The following UGT2A2 variants were observed in gnomAD, a reference collection of about 807,000 sequenced individuals.
UGT2A2 encodes UDP-glucuronosyltransferase 2A2.
UGT2A2 carries 60 observed loss-of-function variants against 50.7 expected under a neutral mutation model. That is an observed-to-expected ratio of 1.18 (90% CI 0.96 to 1.47). The LOEUF is 1.47. UGT2A2 is among the 40% of genes most tolerant of loss of function. UGT2A2 has a pLI of 0.00. For synonymous variants in UGT2A2, 242 were observed against 214.6 expected (o/e 1.13, Z -1.11); for missense variants, 762 against 634.0 (o/e 1.20, Z -2.17).
In UGT2A2 at chr4:69,594,593, A is replaced by T; in HGVS notation, c.1215T>A (p.Asp405Glu). Reference sequence around the variant, plus strand: ...TCATGTGAGCAATGTTATCAGGCTGATCAGCAAACATGGGAACTCCCACCA... The same window carrying T: ...TCATGTGAGCAATGTTATCAGGCTGTTCAGCAAACATGGGAACTCCCACCA... ...VPMVGVPMFA[D>E]QPDNIAHMKA... Residue 405 changes from aspartate to glutamate, a missense_variant, in exon 5 of 6, where the codon GAT becomes GAA. Coordinates refer to ENST00000604629, the MANE Select transcript of UGT2A2 (RefSeq NM_001105677.2). 6.2e-7 allele frequency: 1 copy of T among 1,614,142 alleles called. No individual in the cohort carries two copies. Among genetic ancestry groups the T allele is most frequent in the Non-Finnish European group, 8.5e-7 (1 of 1,180,032 alleles).
intron 2 of UGT2A2, among the ~76,000 whole-genome samples, chr4:69,598,452 A>G (rs868022655): frequency 6.6e-6 from 1 of 152,112 alleles, no homozygotes; most frequent in African/African-American, 2.4e-5. Context: ...TTTTCTGAAG[A>G]CTTCATATTG....
chr4:69,619,484 C>A (rs1042322373), intron 1 of UGT2A2, among the ~76,000 whole-genome samples: 4 of 151,608 alleles, frequency 2.6e-5, no homozygotes, highest in South Asian at 2.1e-4. Flanking sequence ...GTCTTACATA[C>A]CCCATACAAA....
At chr4:69,601,385 G>A (rs1280466621) in intron 1 of UGT2A2, among the ~76,000 whole-genome samples, 2 of 152,006 alleles carry the variant, frequency 1.3e-5, no homozygotes, top group Non-Finnish European at 2.9e-5. Flanking sequence ...GCCCTTCCCC[G>A]CCCCCCGGAG....
At chr4:69,607,493 C>T (rs1015743774) in intron 1 of UGT2A2, among the ~76,000 whole-genome samples, 1 of 151,898 alleles carries the variant, frequency 6.6e-6, no homozygotes, top group African/African-American at 2.4e-5. Flanking sequence ...CAATACCATT[C>T]AGGACATAGG....
At chr4:69,614,174 T>C (rs1261434925) in intron 1 of UGT2A2, among the ~76,000 whole-genome samples, 1 of 152,008 alleles carries the variant, frequency 6.6e-6, no homozygotes, top group African/African-American at 2.4e-5. Flanking sequence ...CATTTCTATA[T>C]GCCAACAGTG....
At chr4:69,595,689 T>C (rs1718882168) in intron 3 of UGT2A2, among the ~76,000 whole-genome samples, 2 of 152,200 alleles carry the variant, frequency 1.3e-5, no homozygotes, top group Non-Finnish European at 2.9e-5. Flanking sequence ...GTTAATTGAA[T>C]AACATAAGTC....
Position 69,611,209 on chromosome 4 carries a change from C to G in UGT2A2, c.743-11815G>C, listed in dbSNP as rs545871437. Reference sequence around the variant, plus strand: ...CACTCAAGCTGGAGTGCAGTGGCACCAACACAGCTCACTGCAGTCTCGACC... The same window carrying G: ...CACTCAAGCTGGAGTGCAGTGGCACGAACACAGCTCACTGCAGTCTCGACC... On this transcript the variant is annotated intron_variant, in intron 1 of 5. Transcript: ENST00000604629. 2.6e-5 allele frequency among the ~76,000 whole-genome samples: 4 copies of G among 151,294 alleles called. No individual in the cohort carries two copies. The South Asian group carries it at 8.4e-4, about 32-fold the overall frequency.
At chr4:69,609,718 G>A (rs1019105344) in intron 1 of UGT2A2, among the ~76,000 whole-genome samples, 1 of 151,714 alleles carries the variant, frequency 6.6e-6, no homozygotes, top group African/African-American at 2.4e-5. Flanking sequence ...ATACTTATTG[G>A]GTGAAAATAA....
chr4:69,603,587 GAGA>G (rs1305562285), intron 1 of UGT2A2: 1 of 137,094 alleles, frequency 7.3e-6, no homozygotes, highest in African/African-American at 3.0e-5. Context: ...GACGAGCTGA[GAGA>G]AGAAGGCTTC....
chr4:69,621,252 GA>G (rs1289821160), intron 1 of UGT2A2, among the ~76,000 whole-genome samples: 1 of 151,972 alleles, frequency 6.6e-6, no homozygotes, highest in Non-Finnish European at 1.5e-5. Context: ...GTATGCATCT[GA>G]CAAAGATCTA....
intron 1 of UGT2A2, 47 bp downstream of exon 1, chr4:69,638,852 T>A (rs1721874319): frequency 1.4e-6 from 2 of 1,474,464 alleles, no homozygotes; most frequent in South Asian, 1.5e-5. Flanking sequence ...ACAATAAGAA[T>A]AAATAAGGGA....
At chr4:69,589,778 G>C in intron 5 of UGT2A2, 127 bp from the exon 6 acceptor site, 3 of 1,345,088 alleles carry the variant, frequency 2.2e-6, no homozygotes, top group Non-Finnish European at 3.0e-6. Flanking sequence ...TATAATTCTT[G>C]CATGAACTTT....
In UGT2A2 at chr4:69,599,231, CT is replaced by C. The variant is rs778387923; in HGVS notation, c.891+14del. The C allele has an allele frequency of 6.3e-7, 1 of 1,593,956 alleles. No homozygotes were observed. Among genetic ancestry groups the C allele is most frequent in the Non-Finnish European group, 8.5e-7 (1 of 1,174,742 alleles). On this transcript the variant is annotated intron_variant, in intron 2 of 5. Transcript: ENST00000604629. ...ATTATGAAGAGCATAAAATCCTCCA[CT>C]GTTGTAGACCTACCTTAGGTAAAGG...
intron 1 of UGT2A2, among the ~76,000 whole-genome samples, chr4:69,615,544 A>G (rs1464499788): frequency 1.3e-5 from 2 of 152,126 alleles, no homozygotes; most frequent in East Asian, 3.9e-4. Context: ...ATGAGTAATC[A>G]AAAAGAAATG....
Position 69,639,178 on chromosome 4 carries a change from C to T in UGT2A2, c.463G>A (p.Val155Met), listed in dbSNP as rs1721904339. 1.9e-6 allele frequency: 3 copies of T among 1,613,718 alleles called. No homozygotes were observed. Among genetic ancestry groups the T allele is most frequent in the Non-Finnish European group, 2.5e-6 (3 of 1,179,760 alleles). Reference protein sequence around the residue: ...MARLQKGGFDVLVADPVTICG... With the variant: ...MARLQKGGFDMLVADPVTICG... ...ATTGTTACTGGGTCTGCTACCAACACATCAAAACCACCTTTCTGAAGTCTT... is the reference window on the plus strand; with the variant it reads ...ATTGTTACTGGGTCTGCTACCAACATATCAAAACCACCTTTCTGAAGTCTT... Residue 155 changes from valine to methionine, a missense_variant, in exon 1 of 6, where the codon GTG becomes ATG. Physicochemically the swap from Val to Met is conservative, Grantham distance 21. Transcript: ENST00000604629.
chr4:69,637,125 T>C (rs1721755876), intron 1 of UGT2A2, among the ~76,000 whole-genome samples: 1 of 151,956 alleles, frequency 6.6e-6, no homozygotes, highest in African/African-American at 2.4e-5. Flanking sequence ...AAAAGAAAAA[T>C]GTGGTTTGAA....
In UGT2A2 at chr4:69,624,767, C is replaced by T. The variant is rs975571957; in HGVS notation, c.742+14132G>A. 4.0e-5 allele frequency among the ~76,000 whole-genome samples: 6 copies of T among 151,450 alleles called. No individual in the cohort carries two copies. The South Asian group carries it at 1.0e-3, about 26-fold the overall frequency. Reference sequence around the variant, plus strand: ...TACAGTTTACTTCTATGTATTACAACTTCACAATACAATAAATATCTGTAG... The same window carrying T: ...TACAGTTTACTTCTATGTATTACAATTTCACAATACAATAAATATCTGTAG... On this transcript the variant is annotated intron_variant, in intron 1 of 5. Coordinates refer to ENST00000604629, the MANE Select transcript of UGT2A2 (RefSeq NM_001105677.2).
rs190577005 is a variant in UGT2A2, at chr4:69,588,620, C to A, written c.*752G>T. On this transcript the variant is annotated 3_prime_UTR_variant, in exon 6 of 6. Transcript: ENST00000604629. ...AATTGTTATATCCTCTAAATATGATCTGTTCACCTTCAACATATAACATAG... is the reference window on the plus strand; with the variant it reads ...AATTGTTATATCCTCTAAATATGATATGTTCACCTTCAACATATAACATAG... 399 of 152,046 alleles carry A rather than the reference C, an allele frequency of 2.6e-3. 2 individuals carry two copies. Among genetic ancestry groups the A allele is most frequent in the African/African-American group, 9.0e-3 (372 of 41,470 alleles). 9.4% of individuals were successfully genotyped at this position (152,046 alleles called of 1,614,324 possible). A position where few individuals can be genotyped will look rare whatever the true frequency, so the allele number is the denominator to read the frequency against.
intron 5 of UGT2A2, 36 bp downstream of exon 5, chr4:69,594,441 A>G (rs751285810): frequency 1.1e-5 from 18 of 1,603,626 alleles, no homozygotes; most frequent in Non-Finnish European, 1.5e-5. Flanking sequence ...TAATGTAATT[A>G]AAGTTAGGCA....
Sources: allele counts gnomAD v4.1 joint callset (sites outside exome capture counted in the v4.1 genomes callset), GRCh38; gene constraint gnomAD v4.1.1; transcripts MANE v1.5; gene names NCBI Gene and HGNC (gene_info 2026-07-23, HGNC 2026-07-21).